NKX6-3: variants seen among roughly 807,000 people sequenced by gnomAD.
NKX6-3 encodes the protein NK6 homeobox 3, also known as homeobox protein Nkx-6.3.
In NKX6-3, 17 loss-of-function variants were observed where a neutral mutation model predicts 22.0. That is an observed-to-expected ratio of 0.77 (90% CI 0.53 to 1.16). The LOEUF (loss-of-function observed/expected upper bound fraction) is 1.16. NKX6-3 is among the 50% of genes most tolerant of loss of function. The probability of loss-of-function intolerance (pLI) is 0.00; values close to 1 mark genes in which losing one functional copy is unlikely to be tolerated. For missense variants in NKX6-3, 363 were observed against 359.0 expected, an observed-to-expected ratio of 1.01 and a Z score of -0.09; for synonymous variants, 177 against 167.2, an observed-to-expected ratio of 1.06 and a Z score of -0.45.
At chr8:41,649,856 G>A (rs892567453) in intron 1 of NKX6-3, among the ~76,000 whole-genome samples, 7 of 152,092 alleles carry the variant, frequency 4.6e-5, no homozygotes, top group Non-Finnish European at 5.9e-5. Flanking sequence ...GAACTGCCGG[G>A]GGCCCTAGGA....
intron 2 of NKX6-3, 27 bp downstream of exon 2, chr8:41,648,039 C>T (rs1345888924): frequency 1.3e-6 from 2 of 1,507,764 alleles, no homozygotes; most frequent in Non-Finnish European, 1.8e-6. Flanking sequence ...CCCTGCAGGG[C>T]AGGTGCCATC....
chr8:41,647,110 C>T, intron 2 of NKX6-3: 17 of 1,459,664 alleles, frequency 1.2e-5, no homozygotes, highest in Non-Finnish European at 1.6e-5. Flanking sequence ...CCTCACCCTA[C>T]TTCATAAATA....
At position 41,646,443 on chromosome 8, in the gene NKX6-3, CG is replaced by C; in HGVS notation, c.*5del. On this transcript the variant is annotated 3_prime_UTR_variant, in exon 3 of 3. Coordinates refer to ENST00000518699, the MANE Select transcript of NKX6-3 (RefSeq NM_001364841.2). ...CAGCCAGGATCCCGGGCCTGGACGG[CG>C]GGCGTCAGACGCTGTGCGCTCCCAG... 1 of 1,587,972 alleles carries C rather than the reference CG, an allele frequency of 6.3e-7. No homozygotes were observed. Among genetic ancestry groups the C allele is most frequent in the Non-Finnish European group, 8.5e-7 (1 of 1,170,496 alleles).
chr8:41,650,080 C>T (rs1271839984), intron 1 of NKX6-3, 31 bp downstream of exon 1: 24 of 1,510,660 alleles, frequency 1.6e-5, no homozygotes, highest in Non-Finnish European at 2.0e-5. Context: ...TGGCGGGTGC[C>T]GGGAGGTGGC....
intron 1 of NKX6-3, among the ~76,000 whole-genome samples, chr8:41,648,528 C>T (rs1804256030): frequency 6.6e-6 from 1 of 152,228 alleles, no homozygotes; most frequent in Non-Finnish European, 1.5e-5. Flanking sequence ...GCTGATGTTG[C>T]CTTCCCCTGA....
At chr8:41,646,790 A>G (rs1215743376) in intron 2 of NKX6-3, 96 bp from the exon 3 acceptor site, 2 of 1,454,010 alleles carry the variant, frequency 1.4e-6, no homozygotes, top group Admixed American at 2.7e-5. Flanking sequence ...ATGGCTCAAC[A>G]ACGGAGTGAC....
intron 1 of NKX6-3, 96 bp downstream of exon 1, chr8:41,650,015 G>A (rs970447060): frequency 3.8e-6 from 5 of 1,320,518 alleles, no homozygotes; most frequent in African/African-American, 2.9e-5. Context: ...GGGAGAGGGC[G>A]GAGGTGCAGG....
At position 41,646,040 on chromosome 8, in the gene NKX6-3, C is replaced by G. The variant is rs960418583; in HGVS notation, c.*409G>C. On this transcript the variant is annotated 3_prime_UTR_variant, in exon 3 of 3. Transcript: ENST00000518699. Reference sequence around the variant, plus strand: ...CCTGGGAAGTCCTGCCCACTCCCCCCGCCCCAACAGCTGGATCACAGTGGC... The same window carrying G: ...CCTGGGAAGTCCTGCCCACTCCCCCGGCCCCAACAGCTGGATCACAGTGGC... 18 of 232,874 alleles carry G rather than the reference C, an allele frequency of 7.7e-5. No homozygotes were observed. The highest frequency in any genetic ancestry group is 1.5e-4 in the Non-Finnish European group (18 of 120,700). The allele number at this position is 232,874 out of a possible 1,614,324, so 14.4% of individuals were successfully genotyped here.
chr8:41,647,061 A>G (rs1306736583), intron 2 of NKX6-3: 14 of 962,018 alleles, frequency 1.5e-5, no homozygotes, highest in Non-Finnish European at 2.1e-5. Flanking sequence ...GCTCATTGGA[A>G]GGTGCTTATG....
At position 41,646,318 on chromosome 8, in the gene NKX6-3, C is replaced by A; in HGVS notation, c.*131G>T. 1.6e-6 allele frequency: 2 copies of A among 1,227,412 alleles called. No individual in the cohort carries two copies. The highest frequency in any genetic ancestry group is 1.9e-5 in the African/African-American group (1 of 52,892). 76.0% of individuals were successfully genotyped at this position (1,227,412 alleles called of 1,614,324 possible). ...CTCCCCTGCACCTGCTGCTCCTCCT[C>A]CACGCGCCCCTCATCCAAAGAAAGA... On this transcript the variant is annotated 3_prime_UTR_variant, in exon 3 of 3. Transcript: ENST00000518699.
chr8:41,647,596 T>C (rs77290997), intron 2 of NKX6-3, among the ~76,000 whole-genome samples: 1,938 of 152,206 alleles, frequency 0.013, 41 homozygotes, highest in African/African-American at 0.044. Flanking sequence ...ATCTTAAGGA[T>C]TGGTAAACTG....
chr8:41,648,068 T>C lies in NKX6-3; in HGVS notation c.550A>G (p.Lys184Glu). The change falls in exon 2 of 3, where the codon AAG becomes GAG. Residue 184 changes from lysine (K) to glutamate (E), a missense_variant and splice_region_variant. Lys to Glu is a moderately conservative substitution (Grantham distance 56, BLOSUM62 1). Transcript: ENST00000518699. ...YSLGMTESQV[K>E]VWFQNRRTKW... ...TGCCATCTCCCGCACAGACTTACCT[T>C]GACCTGCGACTCGGTCATGCCCAGT... is the stretch of plus-strand genomic sequence containing the variant. 1 of 1,533,188 alleles carries C rather than the reference T, an allele frequency of 6.5e-7. No homozygotes were observed. Among genetic ancestry groups the C allele is most frequent in the Non-Finnish European group, 8.7e-7 (1 of 1,144,638 alleles). The allele number at this position is 1,533,188 out of a possible 1,614,324, so 95.0% of individuals were successfully genotyped here.
chr8:41,649,646 G>A (rs1804275635), intron 1 of NKX6-3, among the ~76,000 whole-genome samples: 2 of 152,232 alleles, frequency 1.3e-5, no homozygotes, highest in South Asian at 4.1e-4. Context: ...ACCCGGATGG[G>A]GTCAGGGTGC....
chr8:41,647,317 G>A (rs1804233247), intron 2 of NKX6-3: 1 of 1,590,074 alleles, frequency 6.3e-7, no homozygotes, highest in Non-Finnish European at 8.5e-7. Flanking sequence ...AGGGCCCTGA[G>A]CAAAGCCTAG....
chr8:41,648,001 G>A (rs756568087), intron 2 of NKX6-3, 65 bp downstream of exon 2: 19 of 1,419,994 alleles, frequency 1.3e-5, no homozygotes, highest in East Asian at 2.5e-5. Context: ...TCTCTCCAAC[G>A]CAGTGGCCTC....
chr8:41,650,247 C>T lies in NKX6-3; in HGVS notation c.246G>A (p.Gly82=). 2 of 1,532,558 alleles carry T rather than the reference C, an allele frequency of 1.3e-6. No individual in the cohort carries two copies. The highest frequency in any genetic ancestry group is 2.4e-5 in the East Asian group (1 of 40,886). The allele number at this position is 1,532,558 out of a possible 1,614,324, so 94.9% of individuals were successfully genotyped here. A position where few individuals can be genotyped will look rare whatever the true frequency, so the allele number is the denominator to read the frequency against. ...TGTAGTAGACCCCCTGCGAGCTGAG[C>T]CCCCCAAAGCCTGCCACGTGGGGGT... ...SGYPHVAGFG[G]LSSQGVYYSP... The change falls in exon 1 of 3, where the codon GGG becomes GGA. Residue 82 remains glycine (G), a synonymous_variant. Transcript: ENST00000518699.
intron 2 of NKX6-3, chr8:41,647,366 G>A: frequency 3.2e-6 from 5 of 1,545,264 alleles, no homozygotes; most frequent in South Asian, 1.2e-5. Context: ...CCTTAGGCCC[G>A]TCGCCGAGTC....
rs1343723118 is a variant in NKX6-3, at chr8:41,645,247, C to T, written c.*1202G>A. On this transcript the variant is annotated 3_prime_UTR_variant, in exon 3 of 3. Coordinates refer to ENST00000518699, the MANE Select transcript of NKX6-3 (RefSeq NM_001364841.2). ...CAGTGAGGATGGGCAAGTGCTTGGT[C>T]CCTTCTGGGCTGCATTCCTATCTAA... is the stretch of plus-strand genomic sequence containing the variant. 1 of 152,206 alleles carries T rather than the reference C, an allele frequency of 6.6e-6. No individual in the cohort carries two copies. Among genetic ancestry groups the T allele is most frequent in the Non-Finnish European group, 1.5e-5 (1 of 68,038 alleles). The allele number at this position is 152,206 out of a possible 1,614,324, so 9.4% of individuals were successfully genotyped here. A position where few individuals can be genotyped will look rare whatever the true frequency, so the allele number is the denominator to read the frequency against.
rs1804304097 is a variant in NKX6-3 at position 41,650,797 on chromosome 8, G to A, written c.-305C>T. 3.0e-6 allele frequency: 1 copy of A among 328,638 alleles called. No individual in the cohort carries two copies. The highest frequency in any genetic ancestry group is 2.2e-5 in the African/African-American group (1 of 45,938). 20.4% of individuals were successfully genotyped at this position (328,638 alleles called of 1,614,324 possible). On this transcript the variant is annotated 5_prime_UTR_variant, in exon 1 of 3. Coordinates refer to ENST00000518699, the MANE Select transcript of NKX6-3 (RefSeq NM_001364841.2). Reference sequence around the variant, plus strand: ...CCCCCTTTCTGCCTCTGAGTCGGGGGACCCTCCATGAGAAGTTTTAAGTTC... The same window carrying A: ...CCCCCTTTCTGCCTCTGAGTCGGGGAACCCTCCATGAGAAGTTTTAAGTTC...
Sources: gnomAD v4.1 joint callset for allele counts (sites outside exome capture counted in the v4.1 genomes callset) on GRCh38, gnomAD v4.1.1 for gene constraint, MANE v1.5 for transcripts, NCBI Gene and HGNC (gene_info 2026-07-23, HGNC 2026-07-21) for gene names.